Variants in KIAA1210 observed in about 807,000 individuals in gnomAD.
KIAA1210 encodes the protein KIAA1210.
In KIAA1210, 48 loss-of-function variants were observed where a neutral mutation model predicts 78.9. That is an observed-to-expected ratio of 0.61 (90% CI 0.48 to 0.77). KIAA1210 has a LOEUF of 0.77. Ranked by LOEUF, KIAA1210 falls within the 30% of genes least tolerant of loss-of-function variation. The pLI is 0.00. For synonymous variants in KIAA1210, 406 were observed against 404.5 expected (o/e 1.00, Z -0.04); for missense variants, 1,108 against 1,100.0 (o/e 1.01, Z -0.10).
Position 119,081,485 on chromosome X carries a change from C to T in KIAA1210, c.4446G>A (p.Lys1482=). The change falls in exon 12 of 12, where the codon AAG becomes AAA. Residue 1482 remains lysine, a synonymous_variant. Coordinates refer to ENST00000691062, the MANE Select transcript of KIAA1210 (RefSeq NM_001394962.1). The part of the protein sequence containing the change: ...PTKSVGFEAQ[K]ILQVPAMEKE... ...TTTCCATGGCAGGAACTTGCAGTAT[C>T]TTCTGAGCTTCAAATCCAACTGGAA... 1 of 1,206,707 alleles carries T rather than the reference C, an allele frequency of 8.3e-7. No homozygotes were observed. The highest frequency in any genetic ancestry group is 1.1e-6 in the Non-Finnish European group (1 of 893,589).
At chrX:119,134,671 A>G (rs997417522) in intron 2 of KIAA1210, among the ~76,000 whole-genome samples, 2 of 112,255 alleles carry the variant, frequency 1.8e-5, no homozygotes, top group Non-Finnish European at 1.9e-5. Context: ...AGGCCAAAGA[A>G]TAATGGAATC....
Position 119,123,831 on chromosome X carries a change from C to T in KIAA1210, c.-10-179G>A, listed in dbSNP as rs569625522. The stretch of plus-strand genomic sequence containing the variant: ...CTTCCTTTAAAAAAGACAATGATTC[C>T]AAATGATTCCATTTACATAAAATGT... On this transcript the variant is annotated intron_variant, in intron 1 of 11. Coordinates refer to ENST00000691062, the MANE Select transcript of KIAA1210 (RefSeq NM_001394962.1). Among the ~76,000 whole-genome samples the T allele has an allele frequency of 4.4e-3, 489 of 111,685 alleles. 2 individuals are homozygous for T. Among genetic ancestry groups the T allele is most frequent in the South Asian group, 8.2e-3 (22 of 2,675 alleles).
At chrX:119,130,407 G>T (rs1202162977), upstream of KIAA1210, among the ~76,000 whole-genome samples, 1 of 112,589 alleles carries the variant, frequency 8.9e-6, no homozygotes, top group Non-Finnish European at 1.9e-5. Context: ...CAAAGGTACC[G>T]GCCACCCATG....
chrX:119,114,446 A>T (rs1928187369), intron 3 of KIAA1210, among the ~76,000 whole-genome samples: 1 of 112,333 alleles, frequency 8.9e-6, no homozygotes, highest in South Asian at 3.8e-4. Flanking sequence ...CTCTAGATAA[A>T]CACTTAATGG....
chrX:119,123,874 G>A (rs889019323), intron 1 of KIAA1210, among the ~76,000 whole-genome samples: 4 of 111,941 alleles, frequency 3.6e-5, no homozygotes, highest in African/African-American at 9.7e-5. Context: ...AGGCAAATAC[G>A]TAGACACAGA....
Position 119,080,555 on chromosome X carries a change from T to G in KIAA1210, c.*774A>C. 8.9e-6 allele frequency: 1 copy of G among 112,378 alleles called. No individual in the cohort carries two copies. Among genetic ancestry groups the G allele is most frequent in the Non-Finnish European group, 1.9e-5 (1 of 53,309 alleles). The allele number at this position is 112,378 out of a possible 1,213,427, so 9.3% of individuals were successfully genotyped here. A position where few individuals can be genotyped will look rare whatever the true frequency, so the allele number is the denominator to read the frequency against. ...CTCATAAAACCTAAAGGCCAATCTT[T>G]AGGTCAAATCATCTGAATGTTTCCA... On this transcript the variant is annotated 3_prime_UTR_variant, in exon 12 of 12. Coordinates refer to ENST00000691062, the MANE Select transcript of KIAA1210 (RefSeq NM_001394962.1).
chrX:119,097,046 C>T (rs1927579129), intron 6 of KIAA1210, among the ~76,000 whole-genome samples: 1 of 111,435 alleles, frequency 9.0e-6, no homozygotes, highest in African/African-American at 3.3e-5. Flanking sequence ...ATCAACAGGA[C>T]ATCTGGCTGG....
intron 1 of KIAA1210, among the ~76,000 whole-genome samples, chrX:119,147,873 C>A (rs754796330): frequency 7.3e-4 from 82 of 112,245 alleles, no homozygotes; most frequent in Non-Finnish European, 1.3e-3. Context: ...GGGCTAGGCA[C>A]GGTGGTTCAT....
chrX:119,086,273 A>G (rs1927127103), intron 9 of KIAA1210, among the ~76,000 whole-genome samples: 2 of 111,633 alleles, frequency 1.8e-5, no homozygotes, highest in Admixed American at 1.9e-4. Context: ...GGTGAGGAAG[A>G]GGGAATGGGG....
intron 2 of KIAA1210, among the ~76,000 whole-genome samples, chrX:119,147,158 G>A (rs764604637): frequency 9.0e-5 from 10 of 111,045 alleles, no homozygotes; most frequent in African/African-American, 1.3e-4. Flanking sequence ...CTCGGGTTCC[G>A]GAGAACTGGT....
Position 119,093,983 on chromosome X carries a change from A to AC in KIAA1210, c.847-209dup, listed in dbSNP as rs763294780. 4.1e-5 allele frequency: 46 copies of AC among 1,127,283 alleles called. No homozygotes were observed. The East Asian group carries it at 1.3e-3, about 33-fold the overall frequency. The allele number at this position is 1,127,283 out of a possible 1,213,427, so 92.9% of individuals were successfully genotyped here. A position where few individuals can be genotyped will look rare whatever the true frequency, so the allele number is the denominator to read the frequency against. ...CCAAGAGATCCTTGGGGATCATTTT[A>AC]CCTACTGGAAGTGGTTCATCCAGGT... On this transcript the variant is annotated intron_variant, in intron 7 of 11. Coordinates refer to ENST00000691062, the MANE Select transcript of KIAA1210 (RefSeq NM_001394962.1).
At chrX:119,081,645 C>T in intron 11 of KIAA1210, 141 bp from the exon 12 acceptor site, 1 of 569,310 alleles carries the variant, frequency 1.8e-6, no homozygotes, top group Non-Finnish European at 2.6e-6. Context: ...AACTCTTCTC[C>T]CTTTGGTGCC....
chrX:119,116,407 C>T (rs966215496), intron 3 of KIAA1210, 89 bp downstream of exon 3: 1 of 934,431 alleles, frequency 1.1e-6, no homozygotes, highest in Non-Finnish European at 1.5e-6. Flanking sequence ...TCTTGGTGTC[C>T]CTGGTGATTT....
chrX:119,147,346 T>G (rs1929191220), intron 2 of KIAA1210: 1 of 753,586 alleles, frequency 1.3e-6, no homozygotes, highest in African/African-American at 2.1e-5. Flanking sequence ...TCTCAAATTG[T>G]AACCCACACT....
chrX:119,144,836 G>A lies in KIAA1210; in HGVS notation c.410+2637C>T, dbSNP rs551446810. Among the ~76,000 whole-genome samples the A allele has an allele frequency of 3.6e-5, 4 of 111,684 alleles. No homozygotes were observed. The East Asian group carries it at 8.4e-4, about 23-fold the overall frequency. On this transcript the variant is annotated intron_variant, in intron 2 of 13. Transcript: ENST00000402510. ...TACCATTGTTACTTCTTGTTTTACAGATGAGAAAACTGAGGCTCAGAAGGC... is the reference window on the plus strand; with the variant it reads ...TACCATTGTTACTTCTTGTTTTACAAATGAGAAAACTGAGGCTCAGAAGGC...
chrX:119,098,604 CAAAAAA>C (rs747325732), intron 6 of KIAA1210, among the ~76,000 whole-genome samples: 1 of 39,834 alleles, frequency 2.5e-5, no homozygotes, highest in Admixed American at 2.8e-4. Context: ...GAGACTCCGT[CAAAAAA>C]AAAAAAAAAA....
At chrX:119,148,881 A>T (rs1032665396) in intron 1 of KIAA1210, among the ~76,000 whole-genome samples, 3 of 111,142 alleles carry the variant, frequency 2.7e-5, no homozygotes, top group African/African-American at 9.8e-5. Flanking sequence ...CTAGACTGCA[A>T]TTGTATGTGG....
At chrX:119,141,091 T>C (rs750744426) in intron 2 of KIAA1210, among the ~76,000 whole-genome samples, 16 of 112,016 alleles carry the variant, frequency 1.4e-4, no homozygotes, top group Admixed American at 3.8e-4. Flanking sequence ...AGTGCAAATC[T>C]GAGGAGGCAG....
In KIAA1210 at chrX:119,088,086, C is replaced by G. The variant is rs369428972; in HGVS notation, c.2616G>C (p.Pro872=). Residue 872 remains proline, a synonymous_variant, in exon 9 of 12, where the codon CCG becomes CCC. Coordinates refer to ENST00000691062, the MANE Select transcript of KIAA1210 (RefSeq NM_001394962.1). ...GCTGGGAAAGGCATCTGGGAGGCAG[C>G]GGTTCCACATAAGTGCCTTCCTCAA... The part of the protein sequence containing the change: ...TAVEEGTYVE[P]LPPRCLSQPS... 1.2e-5 allele frequency: 14 copies of G among 1,209,033 alleles called. No homozygotes were observed. The highest frequency in any genetic ancestry group is 1.6e-5 in the Non-Finnish European group (14 of 894,577).
Sources: allele counts gnomAD v4.1 joint callset (sites outside exome capture counted in the v4.1 genomes callset), GRCh38; gene constraint gnomAD v4.1.1; transcripts MANE v1.5; gene names NCBI Gene and HGNC (gene_info 2026-07-23, HGNC 2026-07-21).